The following CDK13 variants were observed in gnomAD, a reference collection of about 807,000 sequenced individuals.
CDK13 encodes the protein cyclin dependent kinase 13, also known as cyclin-dependent kinase 13.
A neutral mutation model predicts 137.6 loss-of-function variants in CDK13; 40 were observed. The ratio of observed to expected loss-of-function variants is 0.29; its 90% CI spans 0.23 to 0.38. CDK13 has a LOEUF of 0.38. Ranked by LOEUF, CDK13 falls within the 10% of genes least tolerant of loss-of-function variation. The pLI, the probability that CDK13 is intolerant of heterozygous loss-of-function variation, is 1.00. For synonymous variants in CDK13, 869 were observed against 760.1 expected (o/e 1.14, Z -2.36); for missense variants, 1,704 against 1,951.8 (o/e 0.87, Z 2.39).
chr7:39,974,704 CAGGTG>C (rs959008066), intron 1 of CDK13, among the ~76,000 whole-genome samples: 22 of 152,102 alleles, frequency 1.4e-4, no homozygotes, highest in African/African-American at 5.3e-4. Flanking sequence ...GCTGGGATTA[CAGGTG>C]AGTGCCACCA....
chr7:39,998,276 CA>C (rs1784605587), intron 3 of CDK13: 1 of 146,604 alleles, frequency 6.8e-6, no homozygotes. Flanking sequence ...TTTAGAATTG[CA>C]GTTGAGGTAG....
chr7:40,035,183 A>G (rs1373822522), intron 5 of CDK13, among the ~76,000 whole-genome samples: 1 of 152,230 alleles, frequency 6.6e-6, no homozygotes, highest in Non-Finnish European at 1.5e-5. Context: ...ACTACATTAC[A>G]TATGATTTTA....
chr7:39,962,464 C>T (rs1001596619), intron 1 of CDK13, among the ~76,000 whole-genome samples: 2 of 152,168 alleles, frequency 1.3e-5, no homozygotes, highest in African/African-American at 4.8e-5. Context: ...ATATCCTTCG[C>T]CCACTTTTTG....
At chr7:40,043,029 CG>C (rs1375091789) in intron 5 of CDK13, among the ~76,000 whole-genome samples, 4 of 152,208 alleles carry the variant, frequency 2.6e-5, no homozygotes, top group Non-Finnish European at 4.4e-5. Context: ...CCTCTCGCCC[CG>C]ATCTCCCAAA....
rs1787067665 is a variant in CDK13 at position 40,097,231 on chromosome 7, A to T, written c.*2251A>T. The T allele has an allele frequency of 6.6e-6, 1 of 152,070 alleles. No homozygotes were observed. The highest frequency in any genetic ancestry group is 1.5e-5 in the Non-Finnish European group (1 of 67,966). 9.4% of individuals were successfully genotyped at this position (152,070 alleles called of 1,614,324 possible). A position where few individuals can be genotyped will look rare whatever the true frequency, so the allele number is the denominator to read the frequency against. On this transcript the variant is annotated 3_prime_UTR_variant, in exon 14 of 14. Coordinates refer to ENST00000181839, the MANE Select transcript of CDK13 (RefSeq NM_003718.5). The stretch of plus-strand genomic sequence containing the variant: ...AGGGAAATTGTTGCTTTGACATTGA[A>T]AATTTGAACTAGAACTTCTAATATT...
intron 12 of CDK13, among the ~76,000 whole-genome samples, chr7:40,091,953 C>G (rs1380309846): frequency 2.6e-5 from 4 of 152,016 alleles, no homozygotes; most frequent in African/African-American, 9.7e-5. Context: ...TTCAGATAAG[C>G]TTGCGTGAGG....
In CDK13 at chr7:40,081,476, C is replaced by A. The variant is rs12536190; in HGVS notation, c.3029+2625C>A. On this transcript the variant is annotated intron_variant, in intron 11 of 13. Transcript: ENST00000181839. ...AATGTTGAGCAGTTGTACGTTGTTC[C>A]ATTTTCATCTTGAACTTATGTTACT... 1.2e-3 allele frequency among the ~76,000 whole-genome samples: 183 copies of A among 152,156 alleles called. 2 individuals are homozygous for A. The highest frequency in any genetic ancestry group is 4.3e-3 in the African/African-American group (177 of 41,544).
At chr7:39,960,864 C>T (rs767405760) in intron 1 of CDK13, among the ~76,000 whole-genome samples, 5 of 152,016 alleles carry the variant, frequency 3.3e-5, no homozygotes, top group Non-Finnish European at 7.4e-5. Context: ...CGTGAGCCAC[C>T]GCACCCGGCC....
chr7:40,007,683 C>T (rs2116351672), intron 5 of CDK13, among the ~76,000 whole-genome samples: 1 of 152,318 alleles, frequency 6.6e-6, no homozygotes, highest in African/African-American at 2.4e-5. Context: ...CCACCTCGGC[C>T]TCCCAAAGTG....
chr7:40,043,634 A>G (rs973355951), intron 5 of CDK13, among the ~76,000 whole-genome samples: 1 of 152,038 alleles, frequency 6.6e-6, no homozygotes, highest in African/African-American at 2.4e-5. Context: ...CCTGGGTAAC[A>G]TAGAGAGACC....
chr7:40,011,030 T>A (rs1784883617), intron 5 of CDK13, among the ~76,000 whole-genome samples: 2 of 152,158 alleles, frequency 1.3e-5, no homozygotes, highest in African/African-American at 2.4e-5. Context: ...TCCATGTTCA[T>A]CGATTAGAAA....
chr7:40,007,489 T>C (rs1396532426), intron 5 of CDK13, among the ~76,000 whole-genome samples: 1 of 152,214 alleles, frequency 6.6e-6, no homozygotes, highest in Non-Finnish European at 1.5e-5. Flanking sequence ...TGCAGTGGTA[T>C]GATCTTGGCT....
chr7:40,072,994 A>G (rs1179317003), intron 9 of CDK13: 1 of 152,208 alleles, frequency 6.6e-6, no homozygotes, highest in Non-Finnish European at 1.5e-5. Context: ...GGAATAAATG[A>G]ATGCTTCCTT....
chr7:39,996,447 A>G (rs2116304483), intron 2 of CDK13, among the ~76,000 whole-genome samples: 1 of 152,324 alleles, frequency 6.6e-6, no homozygotes, highest in Non-Finnish European at 1.5e-5. Flanking sequence ...TTTAAAACTC[A>G]GAGCTCTTTA....
rs1247493254 is a variant in CDK13, at chr7:40,003,204, ACACTCT to A, written c.2353+1175_2353+1180del. Among the ~76,000 whole-genome samples the A allele has an allele frequency of 6.3e-3, 513 of 81,198 alleles. 2 individuals carry two copies. Among genetic ancestry groups the A allele is most frequent in the Middle Eastern group, 0.022 (4 of 178 alleles). The allele number at this position is 81,198 out of a possible 152,430, so 53.3% of individuals were successfully genotyped here. On this transcript the variant is annotated intron_variant, in intron 5 of 13. Coordinates refer to ENST00000181839, the MANE Select transcript of CDK13 (RefSeq NM_003718.5). ...CACACACACACACACACACACACAC[ACACTCT>A]CTCTCTCTCTCTCTCTTACTCTGTT...
chr7:40,014,452 CTTT>C (rs70996871), intron 5 of CDK13, among the ~76,000 whole-genome samples: 9 of 118,676 alleles, frequency 7.6e-5, no homozygotes, highest in South Asian at 2.8e-4. Flanking sequence ...ATTTCTCTCT[CTTT>C]TTTTTTTTTT....
rs1784592915 is a variant in CDK13 at position 39,997,628 on chromosome 7, A to T, written c.2006A>T (p.Lys669Ile). 2 of 1,613,860 alleles carry T rather than the reference A, an allele frequency of 1.2e-6. No homozygotes were observed. Among genetic ancestry groups the T allele is most frequent in the East Asian group, 4.5e-5 (2 of 44,848 alleles). The change falls in exon 3 of 14, where the codon AAA becomes ATA. Residue 669 changes from lysine (K) to isoleucine (I), a missense_variant. Transcript: ENST00000181839. ...CTTTCAAAGAGTCCAGAGGAAAAGA[A>T]AACAGCAACACAGTTACATAGTAAA... ...DDLSKSPEEK[K>I]TATQLHSKRR...
intron 2 of CDK13, among the ~76,000 whole-genome samples, chr7:39,993,633 T>G (rs1441289377): frequency 2.0e-5 from 3 of 152,244 alleles, no homozygotes; most frequent in African/African-American, 7.2e-5. Flanking sequence ...GCTTTTTCAT[T>G]TAATATGTTA....
chr7:39,963,462 G>A (rs1009859258), intron 1 of CDK13, among the ~76,000 whole-genome samples: 2 of 151,984 alleles, frequency 1.3e-5, no homozygotes, highest in Non-Finnish European at 2.9e-5. Flanking sequence ...TGTAATTTTT[G>A]TACATTGATT....
Sources: gnomAD v4.1 joint callset for allele counts (sites outside exome capture counted in the v4.1 genomes callset) on GRCh38, gnomAD v4.1.1 for gene constraint, MANE v1.5 for transcripts, NCBI Gene and HGNC (gene_info 2026-07-23, HGNC 2026-07-21) for gene names.